NCKAP5: variants seen among roughly 807,000 people sequenced by gnomAD.
The protein encoded by NCKAP5 is NCK associated protein 5, also known as nck-associated protein 5.
A neutral mutation model predicts 167.0 loss-of-function variants in NCKAP5; 92 were observed. The ratio of observed to expected loss-of-function variants is 0.55; its 90% confidence interval spans 0.47 to 0.66. The LOEUF is 0.66. NCKAP5 is among the 30% of genes least tolerant of loss of function. The pLI, the probability that NCKAP5 is intolerant of heterozygous loss-of-function variation, is 0.00. For missense variants in NCKAP5, 2,378 were observed against 2,315.0 expected, an observed-to-expected ratio of 1.03 and a Z score of -0.56; for synonymous variants, 891 against 877.4, an observed-to-expected ratio of 1.02 and a Z score of -0.27.
chr2:133,267,226 A>AT (rs763796598), intron 4 of NCKAP5: 7 of 152,164 alleles, frequency 4.6e-5, no homozygotes, highest in Non-Finnish European at 8.8e-5. Context: ...AGAAGGGGAA[A>AT]TAGTGCTTTC....
intron 5 of NCKAP5, among the ~76,000 whole-genome samples, chr2:133,139,914 T>C (rs192815573): frequency 2.1e-3 from 315 of 152,220 alleles, no homozygotes; most frequent in Non-Finnish European, 3.3e-3. Flanking sequence ...GTAGTAAGCT[T>C]GTTATCAATA....
At chr2:133,518,248 G>A in intron 2 of NCKAP5, among the ~76,000 whole-genome samples, 1 of 149,556 alleles carries the variant, frequency 6.7e-6, no homozygotes, top group Non-Finnish European at 1.5e-5. Context: ...TAAGTATTCT[G>A]GTTAATAAGG....
At chr2:133,128,951 T>G (rs1406435446) in intron 6 of NCKAP5, among the ~76,000 whole-genome samples, 1 of 151,178 alleles carries the variant, frequency 6.6e-6, no homozygotes, top group Non-Finnish European at 1.5e-5. Flanking sequence ...ACTGATTTTT[T>G]TTTTTTTTTT....
intron 3 of NCKAP5, among the ~76,000 whole-genome samples, chr2:133,504,290 A>G (rs1189172415): frequency 3.8e-5 from 1 of 26,374 alleles, no homozygotes; most frequent in African/African-American, 1.6e-4. Context: ...ATCTTCTTAA[A>G]ACAAGGTTTG....
chr2:133,025,780 T>C (rs966404485), intron 6 of NCKAP5, among the ~76,000 whole-genome samples: 1 of 152,300 alleles, frequency 6.6e-6, no homozygotes, highest in Middle Eastern at 3.4e-3. Context: ...GCTCCAGGGA[T>C]TGTAGTCATG....
chr2:133,287,939 C>T lies in NCKAP5; in HGVS notation c.143+15098G>A, dbSNP rs1234134266. Among the ~76,000 whole-genome samples, 3 of 152,332 alleles carry T rather than the reference C, an allele frequency of 2.0e-5. No individual in the cohort carries two copies. In the East Asian group the frequency reaches 5.8e-4, roughly 29 times the overall value. On this transcript the variant is annotated intron_variant, in intron 4 of 19. Coordinates refer to ENST00000409261, the MANE Select transcript of NCKAP5 (RefSeq NM_207363.3). ...AGAAATATTTGGATTTGTACCATAA[C>T]ATTTCTATTACAACTTCCTTTCTCC...
At chr2:133,671,816 G>C in the NCKAP5 span, among the ~76,000 whole-genome samples, 1 of 152,150 alleles carries the variant, frequency 6.6e-6, no homozygotes, top group Non-Finnish European at 1.5e-5. Context: ...TAGTGACAGA[G>C]ACATAATTGT....
At chr2:132,876,146 A>G (rs1691252707) in intron 9 of NCKAP5, among the ~76,000 whole-genome samples, 1 of 152,176 alleles carries the variant, frequency 6.6e-6, no homozygotes, top group Admixed American at 6.5e-5. Flanking sequence ...ATGCAGTGGC[A>G]GGATTATGGC....
chr2:133,569,713 C>T (rs1295955996), upstream of NCKAP5, among the ~76,000 whole-genome samples: 1 of 152,150 alleles, frequency 6.6e-6, no homozygotes, highest in Non-Finnish European at 1.5e-5. Flanking sequence ...CCAGCAGATG[C>T]TCATTGCATG....
intron 3 of NCKAP5, among the ~76,000 whole-genome samples, chr2:133,500,979 G>A (rs1488715779): frequency 6.6e-6 from 1 of 152,148 alleles, no homozygotes; most frequent in Non-Finnish European, 1.5e-5. Flanking sequence ...CTGGAACCTT[G>A]TGTTTTCCTT....
At chr2:133,196,904 T>A (rs1026469687) in intron 5 of NCKAP5, among the ~76,000 whole-genome samples, 3 of 152,158 alleles carry the variant, frequency 2.0e-5, no homozygotes, top group African/African-American at 4.8e-5. Flanking sequence ...GGCACTCAGA[T>A]GGCAAGGTCA....
At chr2:133,486,305 G>C (rs1680903120) in intron 3 of NCKAP5, among the ~76,000 whole-genome samples, 1 of 152,168 alleles carries the variant, frequency 6.6e-6, no homozygotes, top group Admixed American at 6.5e-5. Flanking sequence ...AAAGAAGAAA[G>C]GTCTTAGGTT....
intron 7 of NCKAP5, among the ~76,000 whole-genome samples, chr2:132,985,838 T>C (rs1488220570): frequency 6.6e-6 from 1 of 152,164 alleles, no homozygotes; most frequent in East Asian, 1.9e-4. Flanking sequence ...CAAAAACCCT[T>C]GAGACTTCTC....
intron 3 of NCKAP5, among the ~76,000 whole-genome samples, chr2:133,504,848 CCT>C (rs1682859644): frequency 6.6e-6 from 1 of 152,124 alleles, no homozygotes; most frequent in African/African-American, 2.4e-5. Context: ...CATTTTGACC[CCT>C]CTGAGTCTTT....
intron 6 of NCKAP5, among the ~76,000 whole-genome samples, chr2:133,052,671 T>C (rs1278351442): frequency 6.6e-6 from 1 of 151,694 alleles, no homozygotes; most frequent in Non-Finnish European, 1.5e-5. Flanking sequence ...TGAGATGAGA[T>C]TGTGCCACTG....
intron 3 of NCKAP5, among the ~76,000 whole-genome samples, chr2:133,434,300 G>C (rs1022776307): frequency 1.3e-5 from 2 of 152,158 alleles, no homozygotes; most frequent in Non-Finnish European, 2.9e-5. Flanking sequence ...TTAGTATAGA[G>C]AGAGCTAAAT....
chr2:133,189,259 C>T (rs997396358), intron 5 of NCKAP5, among the ~76,000 whole-genome samples: 8 of 152,088 alleles, frequency 5.3e-5, no homozygotes, highest in South Asian at 2.1e-4. Flanking sequence ...CTGAATAGAC[C>T]GATAACAGGC....
At chr2:133,617,041 A>T in the NCKAP5 span, among the ~76,000 whole-genome samples, 1 of 152,340 alleles carries the variant, frequency 6.6e-6, no homozygotes, top group East Asian at 1.9e-4. Flanking sequence ...AACAGAACCA[A>T]AGACAAAAAC....
chr2:133,402,571 G>T (rs1331149877), intron 3 of NCKAP5, among the ~76,000 whole-genome samples: 1 of 152,136 alleles, frequency 6.6e-6, no homozygotes, highest in Non-Finnish European at 1.5e-5. Context: ...GGAGGTGTTC[G>T]TGGGCCTGGA....
Sources: gnomAD v4.1 joint callset for allele counts (sites outside exome capture counted in the v4.1 genomes callset) on GRCh38, gnomAD v4.1.1 for gene constraint, MANE v1.5 for transcripts, NCBI Gene and HGNC (gene_info 2026-07-23, HGNC 2026-07-21) for gene names.